Variants in NAALADL2 observed in about 807,000 individuals in gnomAD.
NAALADL2 encodes the protein N-acetylated alpha-linked acidic dipeptidase like 2.
In NAALADL2, 76 loss-of-function variants were observed where a neutral mutation model predicts 87.2. That is an observed-to-expected ratio of 0.87 (90% CI 0.72 to 1.05). NAALADL2 has a LOEUF of 1.05. Ranked by LOEUF, NAALADL2 falls within the 50% of genes least tolerant of loss-of-function variation. The pLI, the probability that NAALADL2 is intolerant of heterozygous loss-of-function variation, is 0.00. For missense variants in NAALADL2, 1,089 were observed against 945.8 expected (o/e 1.15, Z -1.99); for synonymous variants, 354 against 331.0 (o/e 1.07, Z -0.75).
chr3:175,302,942 A>G (rs1757271101), intron 4 of NAALADL2, among the ~76,000 whole-genome samples: 1 of 152,122 alleles, frequency 6.6e-6, no homozygotes, highest in Non-Finnish European at 1.5e-5. Context: ...CAAGAGGAAG[A>G]GAAAAATTAT....
At chr3:174,792,966 G>T (rs1717641735) in intron 3 of NAALADL2, among the ~76,000 whole-genome samples, 1 of 151,998 alleles carries the variant, frequency 6.6e-6, no homozygotes, top group Non-Finnish European at 1.5e-5. Flanking sequence ...GTTTTGGATG[G>T]ACTTATGTAA....
intron 11 of NAALADL2, among the ~76,000 whole-genome samples, chr3:175,690,358 G>A (rs1401934424): frequency 6.6e-6 from 1 of 152,000 alleles, no homozygotes; most frequent in East Asian, 1.9e-4. Flanking sequence ...CATCGTAAGA[G>A]GGTCAGAAGA....
rs142360572 is a variant in NAALADL2 at position 174,627,747 on chromosome 3, A to G, written c.-115+77110A>G. Among the ~76,000 whole-genome samples the G allele has an allele frequency of 5.2e-3, 787 of 152,330 alleles. 7 individuals carry two copies. The highest frequency in any genetic ancestry group is 0.036 in the South Asian group (175 of 4,830). ...GTATGTGTAGGCACACAGTACCACA[A>G]TACTAGTTGGCCATTAAAAAGAATG... On this transcript the variant is annotated intron_variant, in intron 2 of 3. Transcript: ENST00000434257.
chr3:175,432,066 T>G (rs1374293112), intron 5 of NAALADL2, among the ~76,000 whole-genome samples: 2 of 152,050 alleles, frequency 1.3e-5, no homozygotes, highest in Non-Finnish European at 2.9e-5. Context: ...GACATCAGAA[T>G]TTTAATTTTG....
chr3:175,800,054 A>G (rs1753957435), intron 13 of NAALADL2, among the ~76,000 whole-genome samples: 2 of 152,148 alleles, frequency 1.3e-5, no homozygotes, highest in African/African-American at 4.8e-5. Flanking sequence ...TTATTCCCAG[A>G]TTGCATATTT....
At chr3:174,888,342 A>G (rs569124682) in intron 1 of NAALADL2, among the ~76,000 whole-genome samples, 29 of 152,346 alleles carry the variant, frequency 1.9e-4, no homozygotes, top group South Asian at 4.1e-4. Context: ...TGAAATAATG[A>G]CATGAGTTGA....
chr3:175,233,976 AAAG>A lies in NAALADL2; in HGVS notation c.596_598del (p.Lys199del), dbSNP rs1267143301. The A allele has an allele frequency of 1.9e-6, 3 of 1,604,512 alleles. No homozygotes were observed. Among genetic ancestry groups the A allele is most frequent in the Non-Finnish European group, 2.6e-6 (3 of 1,173,260 alleles). On this transcript the variant is annotated inframe_deletion, in exon 3 of 14. Coordinates refer to ENST00000454872, the MANE Select transcript of NAALADL2 (RefSeq NM_207015.3). ...AAAATGAAGATGACATGGAAATTTCAAAGAAGATTAAGACTCAGTGGACCTCTT... is the reference window on the plus strand; with the variant it reads ...AAAATGAAGATGACATGGAAATTTCAAAGATTAAGACTCAGTGGACCTCTT...
At chr3:175,610,900 A>G (rs1724551764) in intron 10 of NAALADL2, among the ~76,000 whole-genome samples, 1 of 152,116 alleles carries the variant, frequency 6.6e-6, no homozygotes, top group Admixed American at 6.6e-5. Flanking sequence ...TATAACTGTT[A>G]GTATAGATAT....
intron 2 of NAALADL2, among the ~76,000 whole-genome samples, chr3:175,109,911 T>C (rs974940233): frequency 2.3e-4 from 35 of 152,030 alleles, no homozygotes; most frequent in African/African-American, 8.4e-4. Flanking sequence ...CCCCTGTTGC[T>C]GAATTTCTAT....
At chr3:174,760,872 C>T (rs773794110) in intron 3 of NAALADL2, among the ~76,000 whole-genome samples, 2 of 152,220 alleles carry the variant, frequency 1.3e-5, no homozygotes, top group African/African-American at 2.4e-5. Flanking sequence ...TTACTTCCAA[C>T]TTTTATTCTT....
At chr3:175,671,234 T>C (rs148955827) in intron 11 of NAALADL2, among the ~76,000 whole-genome samples, 13 of 152,018 alleles carry the variant, frequency 8.6e-5, no homozygotes, top group African/African-American at 3.1e-4. Context: ...TTCTGCAAAA[T>C]GTTAACTCCA....
intron 4 of NAALADL2, among the ~76,000 whole-genome samples, chr3:175,300,820 G>A (rs1310349510): frequency 6.7e-6 from 1 of 150,138 alleles, no homozygotes; most frequent in East Asian, 2.0e-4. Context: ...TGAGCTCACT[G>A]CAACCTCCGC....
intron 1 of NAALADL2, among the ~76,000 whole-genome samples, chr3:174,480,959 C>T (rs1717510083): frequency 6.6e-6 from 1 of 152,078 alleles, no homozygotes; most frequent in African/African-American, 2.4e-5. Flanking sequence ...ATAGGAGAGT[C>T]AATATTGATC....
At chr3:174,488,961 T>C (rs1019694891) in intron 1 of NAALADL2, among the ~76,000 whole-genome samples, 1 of 152,044 alleles carries the variant, frequency 6.6e-6, no homozygotes, top group Non-Finnish European at 1.5e-5. Flanking sequence ...AGTTGTGAGA[T>C]TGCAGCATAC....
chr3:175,760,579 T>A (rs1015550438), intron 13 of NAALADL2, among the ~76,000 whole-genome samples: 5 of 152,186 alleles, frequency 3.3e-5, no homozygotes, highest in African/African-American at 1.2e-4. Flanking sequence ...TACTATCAAA[T>A]CCAGCAGTGT....
intron 3 of NAALADL2, among the ~76,000 whole-genome samples, chr3:174,808,182 A>G (rs1719725619): frequency 6.6e-6 from 1 of 152,120 alleles, no homozygotes; most frequent in African/African-American, 2.4e-5. Context: ...TTTGCCATGA[A>G]CAAATTCACT....
chr3:174,695,477 G>T (rs1181063446), intron 2 of NAALADL2, among the ~76,000 whole-genome samples: 3 of 151,664 alleles, frequency 2.0e-5, no homozygotes, highest in African/African-American at 4.8e-5. Flanking sequence ...CTCTCTCTCT[G>T]CCCAATATGA....
At chr3:175,404,461 C>A (rs1211919618) in intron 5 of NAALADL2, among the ~76,000 whole-genome samples, 1 of 152,124 alleles carries the variant, frequency 6.6e-6, no homozygotes, top group Admixed American at 6.6e-5. Context: ...AGATCAGTTG[C>A]AAAAGCCGTG....
In NAALADL2 at chr3:174,543,637, A is replaced by G. The variant is rs114077988; in HGVS notation, c.-183-6932A>G. On this transcript the variant is annotated intron_variant, in intron 1 of 3. Coordinates refer to the NAALADL2 transcript ENST00000434257. ...TTCCCTTCTAAAAGGACAAAATTTT[A>G]GGGTGTATTTTACTAAAGTAAAATG... is the stretch of plus-strand genomic sequence containing the variant. 3.1e-3 allele frequency among the ~76,000 whole-genome samples: 466 copies of G among 152,132 alleles called. 3 individuals carry two copies. Among genetic ancestry groups the G allele is most frequent in the African/African-American group, 0.011 (448 of 41,508 alleles).
Sources: allele counts gnomAD v4.1 joint callset (sites outside exome capture counted in the v4.1 genomes callset), GRCh38; gene constraint gnomAD v4.1.1; transcripts MANE v1.5; gene names NCBI Gene and HGNC (gene_info 2026-07-23, HGNC 2026-07-21).